The following BCAS1 variants were observed in gnomAD, a reference collection of about 807,000 sequenced individuals.
The protein encoded by BCAS1 is breast carcinoma-amplified sequence 1.
In BCAS1, 46 loss-of-function variants were observed where a neutral mutation model predicts 65.4. The observed-to-expected ratio is 0.70, with a 90% CI of 0.55 to 0.90. The LOEUF is 0.90. Ranked by LOEUF, BCAS1 falls within the 40% of genes least tolerant of loss-of-function variation. BCAS1 has a pLI of 0.00. For synonymous variants in BCAS1, 298 were observed against 293.5 expected, an observed-to-expected ratio of 1.02 and a Z score of -0.16; for missense variants, 793 against 771.2, an observed-to-expected ratio of 1.03 and a Z score of -0.33.
chr20:54,051,726 TTTGTTGTTG>T (rs11470040), intron 3 of BCAS1, among the ~76,000 whole-genome samples: 16 of 149,122 alleles, frequency 1.1e-4, no homozygotes, highest in East Asian at 2.0e-4. Flanking sequence ...TTTTTTTTTG[TTTGTTGTTG>T]TTGTTGTTGT....
intron 7 of BCAS1, among the ~76,000 whole-genome samples, chr20:53,986,897 A>T (rs1475092055): frequency 6.6e-6 from 1 of 152,184 alleles, no homozygotes; most frequent in Non-Finnish European, 1.5e-5. Context: ...CTCAAAAAAA[A>T]TATAGAATAT....
At chr20:54,055,819 T>C (rs1313406916) in intron 3 of BCAS1, among the ~76,000 whole-genome samples, 1 of 152,204 alleles carries the variant, frequency 6.6e-6, no homozygotes, top group Non-Finnish European at 1.5e-5. Flanking sequence ...CATATACATG[T>C]GTGTAAATAC....
Position 53,996,047 on chromosome 20 carries a change from T to C in BCAS1, c.727A>G (p.Ile243Val). The C allele has an allele frequency of 1.3e-6, 2 of 1,597,230 alleles. No individual in the cohort carries two copies. The highest frequency in any genetic ancestry group is 1.7e-6 in the Non-Finnish European group (2 of 1,172,060). The change falls in exon 5 of 13, where the codon ATA becomes GTA. Residue 243 changes from isoleucine (I) to valine (V), a missense_variant. Ile to Val is a conservative substitution (Grantham distance 29, BLOSUM62 3). Transcript: ENST00000688948. ...QSDDVPAGKD[I>V]VDGKEKEGQE... ...CCTTCTTTTTCCTTGCCGTCAACTA[T>C]GTCCTAGGGGCAAAACAGTTGTCAC...
At chr20:54,068,008 C>T (rs1042387568) in intron 1 of BCAS1, among the ~76,000 whole-genome samples, 3 of 152,200 alleles carry the variant, frequency 2.0e-5, no homozygotes, top group African/African-American at 4.8e-5. Flanking sequence ...CCTGCAGCTC[C>T]ATGTGTGTGC....
chr20:54,035,187 C>T (rs1489913639), intron 3 of BCAS1, among the ~76,000 whole-genome samples: 7 of 150,754 alleles, frequency 4.6e-5, no homozygotes, highest in South Asian at 4.2e-4. Context: ...CCGAGGAGGG[C>T]GGATCATGAG....
chr20:53,957,114 G>A (rs1238611753), intron 11 of BCAS1, among the ~76,000 whole-genome samples: 1 of 152,200 alleles, frequency 6.6e-6, no homozygotes, highest in Non-Finnish European at 1.5e-5. Flanking sequence ...ACAATATGTA[G>A]TTATGAGAGG....
chr20:54,032,125 T>C lies in BCAS1; in HGVS notation c.143-3153A>G, dbSNP rs1313914487. Reference sequence around the variant, plus strand: ...TAAAAAGGGAAGCACAGACTTACAGTGGACCTCTCACTGGTAACCCTACAA... The same window carrying C: ...TAAAAAGGGAAGCACAGACTTACAGCGGACCTCTCACTGGTAACCCTACAA... On this transcript the variant is annotated intron_variant, in intron 3 of 12. Coordinates refer to ENST00000688948, the MANE Select transcript of BCAS1 (RefSeq NM_001366298.2). Among the ~76,000 whole-genome samples, 4 of 151,480 alleles carry C rather than the reference T, an allele frequency of 2.6e-5. No homozygotes were observed. In the East Asian group the frequency reaches 5.8e-4, roughly 22 times the overall value.
chr20:54,053,344 C>T (rs887235974), intron 3 of BCAS1, among the ~76,000 whole-genome samples: 1 of 152,146 alleles, frequency 6.6e-6, no homozygotes, highest in Non-Finnish European at 1.5e-5. Context: ...TTTGCTCTTA[C>T]TAAGAAAAAG....
At chr20:54,051,946 C>G (rs540092257) in intron 3 of BCAS1, among the ~76,000 whole-genome samples, 1 of 152,196 alleles carries the variant, frequency 6.6e-6, no homozygotes, top group South Asian at 2.1e-4. Flanking sequence ...ACCACGTTGG[C>G]CAGGCTGGTC....
At chr20:53,998,961 T>G (rs1362801155) in intron 4 of BCAS1, among the ~76,000 whole-genome samples, 1 of 152,192 alleles carries the variant, frequency 6.6e-6, no homozygotes, top group Non-Finnish European at 1.5e-5. Flanking sequence ...AGAGTTTAGG[T>G]TACTTGTCTA....
At chr20:53,995,667 C>A (rs1165795526) in intron 5 of BCAS1, among the ~76,000 whole-genome samples, 2 of 152,132 alleles carry the variant, frequency 1.3e-5, no homozygotes, top group Admixed American at 6.5e-5. Flanking sequence ...ATGATTTGGG[C>A]ATCCACTGCT....
At chr20:53,945,473 T>C (rs1014282744) in intron 12 of BCAS1, among the ~76,000 whole-genome samples, 4 of 152,150 alleles carry the variant, frequency 2.6e-5, no homozygotes, top group Non-Finnish European at 5.9e-5. Context: ...TACATATGTA[T>C]ACATGTGCCA....
chr20:53,972,814 ATAT>A lies in BCAS1; in HGVS notation c.1317+2572_1317+2574del, dbSNP rs201938018. 6.4e-3 allele frequency among the ~76,000 whole-genome samples: 981 copies of A among 152,310 alleles called. 11 individuals carry two copies. The highest frequency in any genetic ancestry group is 0.022 in the African/African-American group (914 of 41,564). On this transcript the variant is annotated intron_variant, in intron 9 of 12. Transcript: ENST00000688948. ...TCACAAGAACCCGAAAGTGTAGGTG[ATAT>A]TATTATCGCCATTTAACAGATGAGT...
chr20:53,979,986 G>A (rs945975970), intron 8 of BCAS1, among the ~76,000 whole-genome samples: 11 of 152,004 alleles, frequency 7.2e-5, no homozygotes, highest in Non-Finnish European at 1.5e-4. Flanking sequence ...TGTTTGCTAC[G>A]GAACCCCTTA....
intron 3 of BCAS1, among the ~76,000 whole-genome samples, chr20:54,057,001 C>T (rs1247267895): frequency 3.3e-5 from 5 of 152,108 alleles, no homozygotes; most frequent in Admixed American, 6.5e-5. Context: ...ACAGCTAGTA[C>T]GTGGCAAAGC....
intron 1 of BCAS1, among the ~76,000 whole-genome samples, chr20:54,062,167 A>C (rs1413826510): frequency 6.6e-6 from 1 of 152,206 alleles, no homozygotes; most frequent in Admixed American, 6.5e-5. Flanking sequence ...GATATTTACT[A>C]TCTGGCTCTT....
rs558668538 is a variant in BCAS1 at position 54,066,293 on chromosome 20, C to T, written c.-6+4140G>A. Among the ~76,000 whole-genome samples, 26 of 152,248 alleles carry T rather than the reference C, an allele frequency of 1.7e-4. No homozygotes were observed. The East Asian group carries it at 1.7e-3, about 10-fold the overall frequency. ...TTCCCCGTGTTAGCCAGGATGGTCT[C>T]GATCTCCTGACCTCGTGATCCGCCC... On this transcript the variant is annotated intron_variant, in intron 1 of 12. Transcript: ENST00000688948.
chr20:53,998,605 T>C (rs930149877), intron 4 of BCAS1, among the ~76,000 whole-genome samples: 6 of 152,222 alleles, frequency 3.9e-5, no homozygotes, highest in African/African-American at 1.4e-4. Context: ...GATCCACCCC[T>C]GTGATCTTTC....
chr20:54,055,265 C>A (rs891954104), intron 3 of BCAS1, among the ~76,000 whole-genome samples: 1 of 152,096 alleles, frequency 6.6e-6, no homozygotes, highest in Non-Finnish European at 1.5e-5. Context: ...AATAAAACTA[C>A]TATATTAGTC....
Sources: allele counts gnomAD v4.1 joint callset (sites outside exome capture counted in the v4.1 genomes callset), GRCh38; gene constraint gnomAD v4.1.1; transcripts MANE v1.5; gene names NCBI Gene and HGNC (gene_info 2026-07-23, HGNC 2026-07-21).